TRAM1: variants seen among roughly 807,000 people sequenced by gnomAD.
TRAM1 encodes the protein translocation associated membrane protein 1.
A neutral mutation model predicts 48.7 loss-of-function variants in TRAM1; 17 were observed. That is an observed-to-expected ratio of 0.35 (90% CI 0.24 to 0.52). The LOEUF (loss-of-function observed/expected upper bound fraction) is 0.52. Among genes scored for constraint, TRAM1 ranks in the 20% least tolerant of loss-of-function variants. The pLI, the probability that TRAM1 is intolerant of heterozygous loss-of-function variation, is 0.94. For missense variants in TRAM1, 351 were observed against 441.5 expected, an observed-to-expected ratio of 0.79 and a Z score of 1.84; for synonymous variants, 182 against 154.0, an observed-to-expected ratio of 1.18 and a Z score of -1.34.
At position 70,573,973 on chromosome 8, in the gene TRAM1, T is replaced by C; in HGVS notation, c.*959A>G. The stretch of plus-strand genomic sequence containing the variant: ...AAGCACATTGTCTTTTGTAAGACTA[T>C]TTATCCACCTGAATTTTCAATTTCT... On this transcript the variant is annotated 3_prime_UTR_variant, in exon 11 of 11. Coordinates refer to ENST00000262213, the MANE Select transcript of TRAM1 (RefSeq NM_014294.6). 4.9e-6 allele frequency: 1 copy of C among 203,798 alleles called. No individual in the cohort carries two copies. The highest frequency in any genetic ancestry group is 7.0e-5 in the South Asian group (1 of 14,300). The allele number at this position is 203,798 out of a possible 1,614,324, so 12.6% of individuals were successfully genotyped here.
chr8:70,605,072 A>C (rs1817691031), intron 1 of TRAM1, among the ~76,000 whole-genome samples: 1 of 152,230 alleles, frequency 6.6e-6, no homozygotes, highest in Non-Finnish European at 1.5e-5. Context: ...TGCCAAACAG[A>C]CTACTTTGTT....
chr8:70,596,840 TA>T (rs1349297181), intron 4 of TRAM1, among the ~76,000 whole-genome samples: 1 of 151,016 alleles, frequency 6.6e-6, no homozygotes, highest in Non-Finnish European at 1.5e-5. Flanking sequence ...AAAAAAAGAT[TA>T]AAAAATAAAT....
chr8:70,600,231 T>C (rs1188671719), intron 1 of TRAM1, 149 bp from the exon 2 acceptor site: 2 of 621,066 alleles, frequency 3.2e-6, no homozygotes, highest in Non-Finnish European at 5.7e-6. Context: ...CAATGGAAAT[T>C]ACTGATTGCC....
chr8:70,604,039 T>G (rs536582356), intron 1 of TRAM1, among the ~76,000 whole-genome samples: 1 of 152,276 alleles, frequency 6.6e-6, no homozygotes, highest in African/African-American at 2.4e-5. Flanking sequence ...TAGTTTAGAA[T>G]ATAAATAGGC....
chr8:70,602,870 G>A (rs1019427890), intron 1 of TRAM1, among the ~76,000 whole-genome samples: 4 of 152,184 alleles, frequency 2.6e-5, no homozygotes, highest in Admixed American at 2.0e-4. Flanking sequence ...AAAGGGGGCC[G>A]TGGTACCACA....
In TRAM1 at chr8:70,574,834, A is replaced by G. The variant is rs1816910469; in HGVS notation, c.*98T>C. ...CGTACAATAGCAAAAATCAAAGAGC[A>G]CAGACTGTATTTTCAAGAACAGAAA... On this transcript the variant is annotated 3_prime_UTR_variant, in exon 11 of 11. Coordinates refer to ENST00000262213, the MANE Select transcript of TRAM1 (RefSeq NM_014294.6). The G allele has an allele frequency of 1.1e-6, 1 of 874,812 alleles. No individual in the cohort carries two copies. The highest frequency in any genetic ancestry group is 2.4e-5 in the Admixed American group (1 of 41,526). The allele number at this position is 874,812 out of a possible 1,614,324, so 54.2% of individuals were successfully genotyped here.
At chr8:70,599,039 G>T (rs563330857) in intron 2 of TRAM1, among the ~76,000 whole-genome samples, 3 of 152,278 alleles carry the variant, frequency 2.0e-5, no homozygotes, top group East Asian at 3.9e-4. Flanking sequence ...GGCAAGGATT[G>T]CTTGAGGCCC....
chr8:70,591,818 C>T (rs761061982), intron 6 of TRAM1, among the ~76,000 whole-genome samples: 2 of 151,896 alleles, frequency 1.3e-5, no homozygotes, highest in Non-Finnish European at 2.9e-5. Flanking sequence ...CACATACACC[C>T]GAAAACTTCA....
intron 1 of TRAM1, among the ~76,000 whole-genome samples, chr8:70,604,639 A>AGAAAGAAAAAAAG (rs1817681544): frequency 6.6e-6 from 1 of 152,204 alleles, no homozygotes; most frequent in African/African-American, 2.4e-5. Context: ...TGTCATAAAA[A>AGAAAGAAAAAAAG]GAAAGAAAAA....
intron 4 of TRAM1, 25 bp downstream of exon 4, chr8:70,597,867 GAAC>G (rs763967400): frequency 1.9e-5 from 29 of 1,492,236 alleles, no homozygotes; most frequent in Non-Finnish European, 2.6e-5. Flanking sequence ...TAAGGAAGGA[GAAC>G]AACAACCTAA....
rs533303206 is a variant in TRAM1 at position 70,601,860 on chromosome 8, C to T, written c.124-1778G>A. Reference sequence around the variant, plus strand: ...GCAGTAAGGCAGCTAAAACCTAAGTCTAGAACTCAGTAGGGAGAACCTAGC... The same window carrying T: ...GCAGTAAGGCAGCTAAAACCTAAGTTTAGAACTCAGTAGGGAGAACCTAGC... On this transcript the variant is annotated intron_variant, in intron 1 of 10. Transcript: ENST00000262213. 9.9e-5 allele frequency among the ~76,000 whole-genome samples: 15 copies of T among 152,284 alleles called. No homozygotes were observed. In the South Asian group the frequency reaches 3.1e-3, roughly 32 times the overall value.
At chr8:70,581,335 T>G (rs1000265877) in intron 10 of TRAM1, among the ~76,000 whole-genome samples, 1 of 152,212 alleles carries the variant, frequency 6.6e-6, no homozygotes, top group Non-Finnish European at 1.5e-5. Context: ...AAAGCTACAG[T>G]AATCAAGATA....
At chr8:70,596,778 C>G (rs1817496111) in intron 4 of TRAM1, among the ~76,000 whole-genome samples, 1 of 140,898 alleles carries the variant, frequency 7.1e-6, no homozygotes, top group African/African-American at 2.7e-5. Flanking sequence ...CAATTTTTTT[C>G]TTAGATAATC....
intron 10 of TRAM1, 28 bp downstream of exon 10, chr8:70,583,136 A>T: frequency 1.3e-6 from 2 of 1,584,328 alleles, no homozygotes; most frequent in Non-Finnish European, 1.7e-6. Context: ...TACTTCCATG[A>T]GTTTTTCATT....
At chr8:70,593,856 G>A (rs1468061558) in intron 6 of TRAM1, among the ~76,000 whole-genome samples, 1 of 152,112 alleles carries the variant, frequency 6.6e-6, no homozygotes, top group Non-Finnish European at 1.5e-5. Context: ...GGTTTCAGAA[G>A]GGAGAGGGTA....
At chr8:70,592,900 A>C (rs992801245) in intron 6 of TRAM1, among the ~76,000 whole-genome samples, 11 of 152,176 alleles carry the variant, frequency 7.2e-5, no homozygotes, top group African/African-American at 2.7e-4. Flanking sequence ...TGGGGCTAAA[A>C]AAGTCAATTT....
chr8:70,590,113 A>G (rs540848703), intron 6 of TRAM1, among the ~76,000 whole-genome samples: 7 of 149,878 alleles, frequency 4.7e-5, no homozygotes, highest in Non-Finnish European at 3.0e-5. Flanking sequence ...AACTCATTTC[A>G]TTGCATAAAA....
chr8:70,607,689 CCCGAG>C (rs200541461), intron 1 of TRAM1: 51,718 of 168,874 alleles, frequency 0.31, 10,023 homozygotes, highest in Non-Finnish European at 0.43. Context: ...GCCCACCCGC[CCCGAG>C]CCAGCTCGGC....
intron 6 of TRAM1, among the ~76,000 whole-genome samples, chr8:70,588,088 AC>A (rs2132032631): frequency 6.6e-6 from 1 of 152,164 alleles, no homozygotes; most frequent in South Asian, 2.1e-4. Flanking sequence ...GTGGTATGCA[AC>A]TGTAGTCCCA....
Sources: gnomAD v4.1 joint callset for allele counts (sites outside exome capture counted in the v4.1 genomes callset) on GRCh38, gnomAD v4.1.1 for gene constraint, MANE v1.5 for transcripts, NCBI Gene and HGNC (gene_info 2026-07-23, HGNC 2026-07-21) for gene names.